The following BLTP3B variants were observed in gnomAD, a reference collection of about 807,000 sequenced individuals.
BLTP3B encodes UHRF1 (ICBP90) binding protein 1-like.
chr12:100,124,948 A>ATATATATATATT, the BLTP3B span, among the ~76,000 whole-genome samples: 1 of 51,168 alleles, frequency 2.0e-5, no homozygotes. Context: ...ATATATATAT[A>ATATATATATATT]TATATATATA....
the BLTP3B span, among the ~76,000 whole-genome samples, chr12:100,052,790 G>GTTTTTTT: frequency 8.7e-6 from 1 of 114,340 alleles, no homozygotes; most frequent in Admixed American, 9.3e-5. Flanking sequence ...TTTCTTTTCT[G>GTTTTTTT]TTTTTTTTTT....
At chr12:100,108,370 G>A in the BLTP3B span, 1 of 1,602,520 alleles carries the variant, frequency 6.2e-7, no homozygotes, top group Admixed American at 1.7e-5. Flanking sequence ...TCAAGCCACA[G>A]ATATCAAAGT....
At chr12:100,087,935 A>G in the BLTP3B span, among the ~76,000 whole-genome samples, 1 of 152,192 alleles carries the variant, frequency 6.6e-6, no homozygotes, top group Non-Finnish European at 1.5e-5. Context: ...GATGCCAACT[A>G]TAAGTCAAAT....
the BLTP3B span, among the ~76,000 whole-genome samples, chr12:100,123,359 T>C: frequency 1.3e-5 from 2 of 152,180 alleles, no homozygotes; most frequent in Non-Finnish European, 2.9e-5. Context: ...CTGAGTGTTG[T>C]AGTGTATAGG....
At chr12:100,128,654 C>T in the BLTP3B span, 1 of 1,287,194 alleles carries the variant, frequency 7.8e-7, no homozygotes, top group African/African-American at 1.5e-5. Flanking sequence ...GTTTCTTAGA[C>T]TCCTCTGGTA....
At chr12:100,133,312 T>C in the BLTP3B span, among the ~76,000 whole-genome samples, 11 of 152,154 alleles carry the variant, frequency 7.2e-5, no homozygotes, top group Non-Finnish European at 1.5e-4. Context: ...CCATAATCTT[T>C]TATAGCAACA....
the BLTP3B span, among the ~76,000 whole-genome samples, chr12:100,124,974 A>ATATTTATATT: frequency 2.0e-4 from 20 of 100,398 alleles, no homozygotes; most frequent in South Asian, 1.1e-3. Flanking sequence ...ATATATATAT[A>ATATTTATATT]TATATTTATA....
At chr12:100,068,058 A>C in the BLTP3B span, among the ~76,000 whole-genome samples, 1 of 152,220 alleles carries the variant, frequency 6.6e-6, no homozygotes, top group Non-Finnish European at 1.5e-5. Context: ...CTAAGCAAAA[A>C]GAACAAAACT....
the BLTP3B span, among the ~76,000 whole-genome samples, chr12:100,073,983 A>C: frequency 6.6e-6 from 1 of 152,164 alleles, no homozygotes; most frequent in African/African-American, 2.4e-5. Context: ...CCCCTCTCAC[A>C]ACTCCTACTC....
At chr12:100,121,401 A>G in the BLTP3B span, among the ~76,000 whole-genome samples, 1 of 151,762 alleles carries the variant, frequency 6.6e-6, no homozygotes, top group Non-Finnish European at 1.5e-5. Context: ...CCTAAGTGAT[A>G]TAAAGTAGAT....
chr12:100,142,673 G>A, the BLTP3B span: 2 of 1,596,928 alleles, frequency 1.3e-6, no homozygotes, highest in Non-Finnish European at 1.7e-6. Flanking sequence ...TCGTCCTGTT[G>A]CTCACTGCCT....
At chr12:100,067,741 C>A in the BLTP3B span, among the ~76,000 whole-genome samples, 2 of 151,588 alleles carry the variant, frequency 1.3e-5, no homozygotes, top group Non-Finnish European at 2.9e-5. Context: ...AAAAAAAACA[C>A]AAAACTTAGG....
the BLTP3B span, among the ~76,000 whole-genome samples, chr12:100,127,185 G>C: frequency 6.6e-6 from 1 of 152,128 alleles, no homozygotes; most frequent in Admixed American, 6.6e-5. Flanking sequence ...CACAAAATCA[G>C]AACCATCCTT....
At chr12:100,061,074 C>T in the BLTP3B span, among the ~76,000 whole-genome samples, 1 of 152,134 alleles carries the variant, frequency 6.6e-6, no homozygotes, top group African/African-American at 2.4e-5. Context: ...TAGTTTATTA[C>T]ATGAGACATA....
At chr12:100,130,087 A>G in the BLTP3B span, among the ~76,000 whole-genome samples, 1 of 152,110 alleles carries the variant, frequency 6.6e-6, no homozygotes, top group African/African-American at 2.4e-5. Flanking sequence ...CCTCCTGAGT[A>G]TCTGGGATTA....
At chr12:100,037,257 A>T in the BLTP3B span, 1 of 983,418 alleles carries the variant, frequency 1.0e-6, no homozygotes, top group Middle Eastern at 5.2e-4. Context: ...AATATGGAGA[A>T]ATCAATTCAG....
the BLTP3B span, chr12:100,069,942 A>T: frequency 1.7e-6 from 2 of 1,155,784 alleles, no homozygotes; most frequent in Non-Finnish European, 2.1e-6. Flanking sequence ...TTTAAGAAAA[A>T]CAATTATGGG....
chr12:100,059,595 G>C, the BLTP3B span: 4 of 1,479,344 alleles, frequency 2.7e-6, no homozygotes, highest in South Asian at 5.6e-5. Flanking sequence ...GAAGATAAAA[G>C]AACATGACTT....
At chr12:100,118,888 G>A in the BLTP3B span, among the ~76,000 whole-genome samples, 13 of 152,236 alleles carry the variant, frequency 8.5e-5, no homozygotes, top group South Asian at 2.1e-4. Context: ...AGATCACAAC[G>A]TCAGGAGTTC....
Sources: allele counts gnomAD v4.1 joint callset (sites outside exome capture counted in the v4.1 genomes callset), GRCh38; gene constraint gnomAD v4.1.1; transcripts MANE v1.5; gene names NCBI Gene and HGNC (gene_info 2026-07-23, HGNC 2026-07-21).